Variants in RAB38 observed in about 807,000 individuals in gnomAD.
RAB38 encodes ras-related protein Rab-38.
RAB38 carries 15 observed loss-of-function variants against 18.4 expected under a neutral mutation model. That is an observed-to-expected ratio of 0.82 (90% CI 0.55 to 1.26). The LOEUF is 1.26. Among genes scored for constraint, RAB38 ranks in the 50% most tolerant of loss-of-function variants. RAB38 has a pLI of 0.00. For synonymous variants in RAB38, 101 were observed against 104.4 expected, an observed-to-expected ratio of 0.97 and a Z score of 0.20; for missense variants, 294 against 267.4, an observed-to-expected ratio of 1.10 and a Z score of -0.69.
chr11:88,056,019 G>GT, the RAB38 span, among the ~76,000 whole-genome samples: 1 of 105,102 alleles, frequency 9.5e-6, no homozygotes, highest in African/African-American at 7.1e-5. Context: ...TTTTTCTTTC[G>GT]TGTGTGTGTG....
chr11:88,045,760 A>G, the RAB38 span, among the ~76,000 whole-genome samples: 1 of 152,102 alleles, frequency 6.6e-6, no homozygotes, highest in African/African-American at 2.4e-5. Context: ...CTTAATCAAT[A>G]CGAAGGCTAC....
chr11:88,096,145 CA>C, the RAB38 span, among the ~76,000 whole-genome samples: 1 of 151,754 alleles, frequency 6.6e-6, no homozygotes, highest in African/African-American at 2.4e-5. Context: ...AATTAAAGAT[CA>C]AAATAAGAAA....
the RAB38 span, among the ~76,000 whole-genome samples, chr11:87,826,402 C>A: frequency 6.6e-6 from 1 of 152,032 alleles, no homozygotes; most frequent in Non-Finnish European, 1.5e-5. Context: ...CACACACATG[C>A]TGCACTTGCT....
chr11:87,912,154 G>T, the RAB38 span, among the ~76,000 whole-genome samples: 1 of 151,942 alleles, frequency 6.6e-6, no homozygotes, highest in Non-Finnish European at 1.5e-5. Flanking sequence ...ATAGTGGTCT[G>T]TAATTTTCAT....
At chr11:88,084,494 T>C in the RAB38 span, among the ~76,000 whole-genome samples, 1 of 151,750 alleles carries the variant, frequency 6.6e-6, no homozygotes, top group Non-Finnish European at 1.5e-5. Flanking sequence ...GATTCAGAGA[T>C]CGATCAGAAA....
the RAB38 span, among the ~76,000 whole-genome samples, chr11:87,968,852 C>T: frequency 1.3e-5 from 2 of 152,032 alleles, no homozygotes; most frequent in Admixed American, 1.3e-4. Context: ...ATAATGTGTA[C>T]ACCTGGACAT....
chr11:88,056,735 C>T, the RAB38 span, among the ~76,000 whole-genome samples: 1 of 151,966 alleles, frequency 6.6e-6, no homozygotes, highest in African/African-American at 2.4e-5. Context: ...ACATGGAAGG[C>T]GGAGCTTGCA....
the RAB38 span, among the ~76,000 whole-genome samples, chr11:88,071,601 C>T: frequency 4.6e-5 from 7 of 152,154 alleles, no homozygotes; most frequent in African/African-American, 1.4e-4. Flanking sequence ...AAAGACCCCA[C>T]CCACACCCAG....
At chr11:87,910,219 ATGT>A in the RAB38 span, among the ~76,000 whole-genome samples, 397 of 152,206 alleles carry the variant, frequency 2.6e-3, 2 homozygotes, top group African/African-American at 9.2e-3. Context: ...CTAACTAATT[ATGT>A]TGAGCAAGTT....
At chr11:88,114,205 C>T in intron 2 of RAB38, 65 bp from the exon 3 acceptor site, 2 of 1,523,672 alleles carry the variant, frequency 1.3e-6, no homozygotes, top group Non-Finnish European at 1.8e-6. Flanking sequence ...AGAGCAGAGA[C>T]TTATATGTGA....
the RAB38 span, among the ~76,000 whole-genome samples, chr11:88,079,145 G>C: frequency 6.6e-6 from 1 of 151,678 alleles, no homozygotes; most frequent in Non-Finnish European, 1.5e-5. Context: ...AAACAAATGA[G>C]ACCAAAACTT....
At chr11:87,821,234 G>T in the RAB38 span, among the ~76,000 whole-genome samples, 12 of 152,190 alleles carry the variant, frequency 7.9e-5, no homozygotes, top group African/African-American at 2.9e-4. Context: ...AGGCAGAAAT[G>T]ATAGACTACT....
the RAB38 span, among the ~76,000 whole-genome samples, chr11:88,099,815 G>T: frequency 6.6e-6 from 1 of 151,528 alleles, no homozygotes; most frequent in Non-Finnish European, 1.5e-5. Context: ...CATGTCTTTC[G>T]CTTGGTGATA....
the RAB38 span, among the ~76,000 whole-genome samples, chr11:88,015,613 A>G: frequency 6.6e-6 from 1 of 152,112 alleles, no homozygotes; most frequent in African/African-American, 2.4e-5. Flanking sequence ...AGATCTACTA[A>G]GGGGGATAAG....
chr11:88,024,278 GA>G, the RAB38 span, among the ~76,000 whole-genome samples: 1 of 152,106 alleles, frequency 6.6e-6, no homozygotes, highest in Non-Finnish European at 1.5e-5. Flanking sequence ...ACAGGGATAT[GA>G]AAAGGTGCTC....
chr11:88,161,502 T>C (rs1174944500), intron 1 of RAB38, among the ~76,000 whole-genome samples: 1 of 152,054 alleles, frequency 6.6e-6, no homozygotes, highest in African/African-American at 2.4e-5. Flanking sequence ...TCTCTAACCA[T>C]GGCACTGAAA....
chr11:88,029,268 C>A, the RAB38 span, among the ~76,000 whole-genome samples: 2 of 152,198 alleles, frequency 1.3e-5, no homozygotes, highest in African/African-American at 4.8e-5. Flanking sequence ...CCAGCTGCTA[C>A]AAAATCATGC....
chr11:87,831,923 GTT>G, the RAB38 span, among the ~76,000 whole-genome samples: 23 of 152,290 alleles, frequency 1.5e-4, no homozygotes, highest in East Asian at 4.4e-3. Context: ...TTTGAGCTAG[GTT>G]CAGGGTAATT....
chr11:87,852,920 A>C, the RAB38 span, among the ~76,000 whole-genome samples: 1 of 151,272 alleles, frequency 6.6e-6, no homozygotes, highest in East Asian at 1.9e-4. Context: ...CACTAGCTGA[A>C]ACCCAGATCC....
Sources: gnomAD v4.1 joint callset for allele counts (sites outside exome capture counted in the v4.1 genomes callset) on GRCh38, gnomAD v4.1.1 for gene constraint, MANE v1.5 for transcripts, NCBI Gene and HGNC (gene_info 2026-07-23, HGNC 2026-07-21) for gene names.